The following SAMMSON variants were observed in gnomAD, a reference collection of about 807,000 sequenced individuals.
The protein encoded by SAMMSON is long intergenic non-protein coding RNA 1212.
At chr3:70,040,868 T>C (rs2067103891) in intron 3 of SAMMSON, among the ~76,000 whole-genome samples, 1 of 152,118 alleles carries the variant, frequency 6.6e-6, no homozygotes, top group Non-Finnish European at 1.5e-5. Context: ...GAAAAGGTCA[T>C]AAATGGAAAA....
At chr3:70,325,723 C>T (rs1046490045) in intron 7 of SAMMSON, among the ~76,000 whole-genome samples, 7 of 152,042 alleles carry the variant, frequency 4.6e-5, no homozygotes, top group African/African-American at 1.4e-4. Context: ...AACCTTTGCC[C>T]TTTATAAACA....
intron 7 of SAMMSON, among the ~76,000 whole-genome samples, chr3:70,322,536 C>A (rs1361785295): frequency 6.6e-6 from 1 of 151,970 alleles, no homozygotes; most frequent in Non-Finnish European, 1.5e-5. Flanking sequence ...TTTTTGTAAC[C>A]CAGGAGGGAA....
intron 3 of SAMMSON, among the ~76,000 whole-genome samples, chr3:70,059,298 A>G (rs895519327): frequency 6.6e-6 from 1 of 152,240 alleles, no homozygotes. Flanking sequence ...TTCCTGTAGT[A>G]GCCAGGGTTA....
intron 1 of SAMMSON, among the ~76,000 whole-genome samples, chr3:70,001,441 G>T (rs2066905322): frequency 6.7e-6 from 1 of 149,342 alleles, no homozygotes; most frequent in Admixed American, 6.7e-5. Flanking sequence ...CAATGTTAAG[G>T]TTGTTTCTAG....
chr3:70,086,980 C>T (rs1054395625), intron 4 of SAMMSON, among the ~76,000 whole-genome samples: 20 of 152,162 alleles, frequency 1.3e-4, no homozygotes, highest in African/African-American at 4.3e-4. Flanking sequence ...CCTGGCTGAG[C>T]CCCAAATACA....
chr3:70,387,222 T>C (rs189114995), intron 9 of SAMMSON, among the ~76,000 whole-genome samples: 10 of 152,160 alleles, frequency 6.6e-5, no homozygotes, highest in African/African-American at 9.6e-5. Context: ...GTGTAGAAGG[T>C]TGATATAAGG....
intron 3 of SAMMSON, chr3:70,024,699 G>C (rs1295922040): frequency 6.6e-6 from 1 of 152,182 alleles, no homozygotes; most frequent in Non-Finnish European, 1.5e-5. Context: ...CAGGGGCTTT[G>C]ACTACAAACC....
At chr3:70,405,997 A>G (rs918550054) in intron 2 of SAMMSON, among the ~76,000 whole-genome samples, 3 of 152,216 alleles carry the variant, frequency 2.0e-5, no homozygotes, top group Non-Finnish European at 4.4e-5. Flanking sequence ...CATGGTGACT[A>G]TATTTAGTAA....
In SAMMSON at chr3:70,258,289, G is replaced by C. The variant is rs149922840; in HGVS notation, n.674+8619G>C. ...ATGAGCCATAAAACTTAATAAATTG[G>C]CTTTCATCAAAATTATAAATCTTTG... On this transcript the variant is annotated intron_variant and non_coding_transcript_variant, in intron 6 of 9. Transcript: ENST00000642114. Among the ~76,000 whole-genome samples the C allele has an allele frequency of 1.9e-4, 29 of 152,090 alleles. No homozygotes were observed. In the East Asian group the frequency reaches 5.6e-3, roughly 29 times the overall value.
intron 3 of SAMMSON, among the ~76,000 whole-genome samples, chr3:70,057,847 A>AC (rs2067173627): frequency 1.3e-5 from 2 of 151,980 alleles, no homozygotes; most frequent in African/African-American, 4.8e-5. Flanking sequence ...CAGTGGGCAA[A>AC]CACTGTCATT....
chr3:70,282,697 C>G (rs751153780), intron 6 of SAMMSON, among the ~76,000 whole-genome samples: 4 of 152,170 alleles, frequency 2.6e-5, no homozygotes, highest in Non-Finnish European at 5.9e-5. Context: ...AGGCCTTCCT[C>G]GACTACCTTG....
intron 4 of SAMMSON, among the ~76,000 whole-genome samples, chr3:70,140,768 A>T (rs1171611804): frequency 1.3e-5 from 2 of 152,208 alleles, no homozygotes; most frequent in Non-Finnish European, 2.9e-5. Context: ...AATTCAACCA[A>T]GTTCTCTTCC....
intron 4 of SAMMSON, among the ~76,000 whole-genome samples, chr3:70,235,115 A>C (rs1290591722): frequency 6.6e-6 from 1 of 152,024 alleles, no homozygotes; most frequent in Non-Finnish European, 1.5e-5. Context: ...TCCAACCTCT[A>C]TTGGAGAAGA....
chr3:70,338,921 C>CA, intron 7 of SAMMSON, among the ~76,000 whole-genome samples: 1 of 152,136 alleles, frequency 6.6e-6, no homozygotes, highest in Middle Eastern at 3.4e-3. Context: ...CACATGGAAC[C>CA]AAAAAAGAGC....
At chr3:70,199,891 A>G (rs528636165) in intron 4 of SAMMSON, among the ~76,000 whole-genome samples, 1 of 152,166 alleles carries the variant, frequency 6.6e-6, no homozygotes, top group Non-Finnish European at 1.5e-5. Context: ...CTCTTCTGCA[A>G]CGTCTTCAAA....
chr3:70,394,532 T>C (rs963843999), downstream of SAMMSON, among the ~76,000 whole-genome samples: 43 of 151,930 alleles, frequency 2.8e-4, no homozygotes, highest in Admixed American at 2.0e-4. Flanking sequence ...AGAGAGGGAA[T>C]AATGGAGAGT....
chr3:69,999,589 T>A (rs1045077669), upstream of SAMMSON: 5 of 151,538 alleles, frequency 3.3e-5, no homozygotes, highest in East Asian at 2.0e-4. Context: ...GGAAGGCGGG[T>A]CCCTGGCTCG....
intron 7 of SAMMSON, among the ~76,000 whole-genome samples, chr3:70,329,010 C>G (rs985820844): frequency 6.6e-6 from 1 of 152,130 alleles, no homozygotes; most frequent in Admixed American, 6.6e-5. Flanking sequence ...AACTAGAAGA[C>G]AGTTGTGCAA....
intron 1 of SAMMSON, among the ~76,000 whole-genome samples, chr3:70,003,109 T>A (rs2066912263): frequency 1.3e-5 from 2 of 152,190 alleles, no homozygotes; most frequent in Non-Finnish European, 2.9e-5. Context: ...TGCCTCTGTT[T>A]ACTCCAATAG....
Sources: allele counts gnomAD v4.1 joint callset (sites outside exome capture counted in the v4.1 genomes callset), GRCh38; gene constraint gnomAD v4.1.1; transcripts MANE v1.5; gene names NCBI Gene and HGNC (gene_info 2026-07-23, HGNC 2026-07-21).